Variants in SYT16 observed in about 807,000 individuals in gnomAD.
SYT16 encodes the protein synaptotagmin 16.
In SYT16, 42 loss-of-function variants were observed where a neutral mutation model predicts 61.4. The observed-to-expected ratio is 0.68, with a 90% CI of 0.53 to 0.89. The LOEUF is 0.89. Ranked by LOEUF, SYT16 falls within the 40% of genes least tolerant of loss-of-function variation. SYT16 has a pLI of 0.00. For synonymous variants in SYT16, 314 were observed against 302.3 expected (o/e 1.04, Z -0.40); for missense variants, 804 against 807.3 (o/e 1.00, Z 0.05).
rs967779750 is a variant in SYT16, at chr14:62,110,011, A to G, written c.*9304A>G. 1.3e-5 allele frequency: 2 copies of G among 152,210 alleles called. No homozygotes were observed. Among genetic ancestry groups the G allele is most frequent in the Non-Finnish European group, 2.9e-5 (2 of 68,012 alleles). 9.4% of individuals were successfully genotyped at this position (152,210 alleles called of 1,614,324 possible). A position where few individuals can be genotyped will look rare whatever the true frequency, so the allele number is the denominator to read the frequency against. Reference sequence around the variant, plus strand: ...TGGGTGTTGGAAAGAAAACACTGATAGTCACTCTGGGTGAAGGGGGAGGCC... The same window carrying G: ...TGGGTGTTGGAAAGAAAACACTGATGGTCACTCTGGGTGAAGGGGGAGGCC... On this transcript the variant is annotated 3_prime_UTR_variant, in exon 8 of 8. Transcript: ENST00000683842.
chr14:61,891,202 C>G (rs1342698130), intron 1 of SYT16, among the ~76,000 whole-genome samples: 2 of 151,520 alleles, frequency 1.3e-5, no homozygotes, highest in Non-Finnish European at 2.9e-5. Context: ...ATCTTTTGGT[C>G]CACCTTCCAG....
chr14:61,982,491 C>T (rs1170359999), intron 2 of SYT16, among the ~76,000 whole-genome samples: 1 of 152,096 alleles, frequency 6.6e-6, no homozygotes, highest in Non-Finnish European at 1.5e-5. Flanking sequence ...TCTCATGAGA[C>T]TTATTCACTA....
At chr14:61,925,021 A>G (rs565243575) in intron 1 of SYT16, among the ~76,000 whole-genome samples, 2 of 152,298 alleles carry the variant, frequency 1.3e-5, no homozygotes, top group East Asian at 3.9e-4. Flanking sequence ...TCATTTGCCA[A>G]TCCTTAGTTA....
At chr14:61,889,637 T>A (rs1467748931) in intron 1 of SYT16, among the ~76,000 whole-genome samples, 2 of 149,834 alleles carry the variant, frequency 1.3e-5, no homozygotes, top group Non-Finnish European at 3.0e-5. Flanking sequence ...TCCCCTCCCC[T>A]CCTTTCTGTC....
Position 62,106,561 on chromosome 14 carries a change from C to A in SYT16, c.*5854C>A, listed in dbSNP as rs551981260. ...AGTTCCTTCTAATATTTAGGTGTAA[C>A]GTTAAAAAAGAATCAACAATAACAC... is the stretch of plus-strand genomic sequence containing the variant. On this transcript the variant is annotated 3_prime_UTR_variant, in exon 8 of 8. Coordinates refer to ENST00000683842, the MANE Select transcript of SYT16 (RefSeq NM_001367656.1). 1 of 152,062 alleles carries A rather than the reference C, an allele frequency of 6.6e-6. No homozygotes were observed. Among genetic ancestry groups the A allele is most frequent in the Non-Finnish European group, 1.5e-5 (1 of 68,018 alleles). The allele number at this position is 152,062 out of a possible 1,614,324, so 9.4% of individuals were successfully genotyped here.
intron 2 of SYT16, among the ~76,000 whole-genome samples, chr14:61,975,540 C>G (rs1290523743): frequency 6.6e-6 from 1 of 152,158 alleles, no homozygotes; most frequent in Non-Finnish European, 1.5e-5. Context: ...CACAAGGCAG[C>G]TGGAAGAAGT....
chr14:61,882,414 C>G (rs771842692), intron 1 of SYT16, among the ~76,000 whole-genome samples: 9 of 152,124 alleles, frequency 5.9e-5, no homozygotes, highest in Admixed American at 3.9e-4. Flanking sequence ...AGGAGAAATG[C>G]CAGATGCTTA....
intron 5 of SYT16, chr14:62,077,630 T>C (rs559541785): frequency 6.6e-6 from 1 of 152,368 alleles, no homozygotes; most frequent in African/African-American, 2.4e-5. Flanking sequence ...GATGGATTAG[T>C]GGTATTAACA....
At chr14:62,038,407 A>T (rs2054592927) in intron 3 of SYT16, among the ~76,000 whole-genome samples, 1 of 151,380 alleles carries the variant, frequency 6.6e-6, no homozygotes, top group African/African-American at 2.4e-5. Flanking sequence ...GCCCTGGAGA[A>T]ACCCCTGTCC....
chr14:61,862,032 C>T (rs750619768), intron 1 of SYT16, among the ~76,000 whole-genome samples: 1 of 149,604 alleles, frequency 6.7e-6, no homozygotes, highest in Non-Finnish European at 1.5e-5. Context: ...GTAAAAAAAA[C>T]ACACACAATA....
chr14:62,043,115 T>TA (rs2054806162), intron 3 of SYT16, among the ~76,000 whole-genome samples: 1 of 148,110 alleles, frequency 6.8e-6, no homozygotes, highest in African/African-American at 2.5e-5. Context: ...TTTTTTTTTT[T>TA]ACATAGAAAG....
At chr14:62,098,041 G>A (rs947472069) in intron 7 of SYT16, among the ~76,000 whole-genome samples, 2 of 152,244 alleles carry the variant, frequency 1.3e-5, no homozygotes, top group Non-Finnish European at 2.9e-5. Flanking sequence ...CACACCTGAA[G>A]TGTAATTTCA....
chr14:62,063,194 G>T (rs1446438108), intron 3 of SYT16, among the ~76,000 whole-genome samples: 1 of 152,092 alleles, frequency 6.6e-6, no homozygotes, highest in East Asian at 1.9e-4. Flanking sequence ...CTCAGCCCTT[G>T]TATTTTCCAC....
chr14:62,100,365 C>CCCACCCCACCCTTTTTT (rs1274417772), intron 7 of SYT16, 29 bp from the exon 8 acceptor site: 2 of 1,528,830 alleles, frequency 1.3e-6, no homozygotes, highest in Non-Finnish European at 1.8e-6. Flanking sequence ...TCTTATCATC[C>CCCACCCCACCCTTTTTT]CCACCCCACC....
chr14:61,991,478 G>C (rs150232380), intron 2 of SYT16, among the ~76,000 whole-genome samples: 1 of 152,022 alleles, frequency 6.6e-6, no homozygotes, highest in African/African-American at 2.4e-5. Flanking sequence ...TACCAATCAA[G>C]TTGAAATTTA....
At chr14:62,032,379 C>T (rs1273416790) in intron 3 of SYT16, among the ~76,000 whole-genome samples, 1 of 152,000 alleles carries the variant, frequency 6.6e-6, no homozygotes, top group Admixed American at 6.6e-5. Flanking sequence ...AGTATACCAT[C>T]CTAAAAGTCT....
At chr14:61,892,903 G>A (rs899699366) in intron 1 of SYT16, among the ~76,000 whole-genome samples, 5 of 151,912 alleles carry the variant, frequency 3.3e-5, no homozygotes, top group African/African-American at 9.7e-5. Flanking sequence ...CAGAATAAAC[G>A]GTTTTTTTTT....
chr14:61,828,391 A>G (rs1230053278), intron 1 of SYT16, among the ~76,000 whole-genome samples: 1 of 152,186 alleles, frequency 6.6e-6, no homozygotes, highest in East Asian at 1.9e-4. Flanking sequence ...GATGATCCAG[A>G]TTTCTCTTAA....
At chr14:62,056,125 A>G (rs2140903926) in intron 3 of SYT16, among the ~76,000 whole-genome samples, 1 of 151,748 alleles carries the variant, frequency 6.6e-6, no homozygotes, top group East Asian at 1.9e-4. Context: ...CGAAATGATT[A>G]TCAGTGGTAA....
Sources: gnomAD v4.1 joint callset for allele counts (sites outside exome capture counted in the v4.1 genomes callset) on GRCh38, gnomAD v4.1.1 for gene constraint, MANE v1.5 for transcripts, NCBI Gene and HGNC (gene_info 2026-07-23, HGNC 2026-07-21) for gene names.